The following PDCD1 variants were observed in gnomAD, a reference collection of about 807,000 sequenced individuals.
PDCD1 encodes programmed cell death protein 1.
A neutral mutation model predicts 23.6 loss-of-function variants in PDCD1; 10 were observed. The observed-to-expected ratio is 0.42, with a 90% CI of 0.26 to 0.72. The LOEUF (loss-of-function observed/expected upper bound fraction) is 0.72, where lower values mean the gene tolerates loss of function less well. PDCD1 is among the 30% of genes least tolerant of loss of function. The probability of loss-of-function intolerance (pLI) is 0.24; values close to 1 mark genes in which losing one functional copy is unlikely to be tolerated. For missense variants in PDCD1, 313 were observed against 397.8 expected (o/e 0.79, Z 1.81); for synonymous variants, 168 against 169.3 (o/e 0.99, Z 0.06).
At position 241,850,722 on chromosome 2, in the gene PDCD1, A is replaced by AGGC. The variant is rs942578893; in HGVS notation, c.*333_*335dup. On this transcript the variant is annotated 3_prime_UTR_variant, in exon 5 of 5. Coordinates refer to ENST00000334409, the MANE Select transcript of PDCD1 (RefSeq NM_005018.3). ...CACGGCGCCTTCAGCCCCGGGCCGC[A>AGGC]GGCAGCAGCAGCAGCAGCAGCAGCA... 1.3e-4 allele frequency: 78 copies of AGGC among 585,898 alleles called. No homozygotes were observed. The highest frequency in any genetic ancestry group is 5.8e-4 in the Admixed American group (26 of 44,528). 36.3% of individuals were successfully genotyped at this position (585,898 alleles called of 1,614,324 possible). A position where few individuals can be genotyped will look rare whatever the true frequency, so the allele number is the denominator to read the frequency against.
intron 2 of PDCD1, 93 bp from the exon 3 acceptor site, chr2:241,852,446 C>T: frequency 8.7e-7 from 1 of 1,144,278 alleles, no homozygotes. Context: ...GGGGTGCTTC[C>T]AGAGCTAGAG....
intron 1 of PDCD1, among the ~76,000 whole-genome samples, chr2:241,854,385 C>T (rs971006225): frequency 9.8e-5 from 15 of 152,346 alleles, no homozygotes; most frequent in East Asian, 1.9e-4. Context: ...CCTTGTCTGC[C>T]GGCCGGCCAG....
intron 1 of PDCD1, among the ~76,000 whole-genome samples, chr2:241,855,223 A>C (rs2124866280): frequency 6.6e-6 from 1 of 150,728 alleles, no homozygotes; most frequent in East Asian, 2.0e-4. Context: ...TGGGGGCTAG[A>C]CCTCGGTGTC....
At position 241,852,611 on chromosome 2, in the gene PDCD1, G is replaced by A. The variant is rs773116311; in HGVS notation, c.436+10C>T. 2.1e-5 allele frequency: 33 copies of A among 1,606,356 alleles called. No homozygotes were observed. The South Asian group carries it at 2.9e-4, about 14-fold the overall frequency. ...AGCTCACCCCTGCCCCGGGGCCTCCGAGGCCGCACCTGTCACCCTGAGCTC... is the reference window on the plus strand; with the variant it reads ...AGCTCACCCCTGCCCCGGGGCCTCCAAGGCCGCACCTGTCACCCTGAGCTC... On this transcript the variant is annotated intron_variant, in intron 2 of 4. Coordinates refer to ENST00000334409, the MANE Select transcript of PDCD1 (RefSeq NM_005018.3).
At position 241,852,675 on chromosome 2, in the gene PDCD1, G is replaced by A; in HGVS notation, c.382C>T (p.Leu128=). 9 of 1,613,412 alleles carry A rather than the reference G, an allele frequency of 5.6e-6. No individual in the cohort carries two copies. The highest frequency in any genetic ancestry group is 6.8e-6 in the Non-Finnish European group (8 of 1,179,874). ...SGTYLCGAIS[L]APKAQIKESL... ...TCTTTGATCTGCGCCTTGGGGGCCA[G>A]GGAGATGGCCCCACAGAGGTAGGTG... Residue 128 remains leucine (L), a synonymous_variant, in exon 2 of 5, where the codon CTG becomes TTG. Transcript: ENST00000334409.
chr2:241,851,888 C>T, intron 4 of PDCD1, 61 bp downstream of exon 4: 3 of 1,528,418 alleles, frequency 2.0e-6, no homozygotes, highest in Non-Finnish European at 2.7e-6. Flanking sequence ...CCTGTCCTTC[C>T]ACCTCTGCCC....
intron 2 of PDCD1, 90 bp downstream of exon 2, chr2:241,852,531 G>T (rs41463645): frequency 3.4e-6 from 5 of 1,477,266 alleles, no homozygotes; most frequent in Non-Finnish European, 4.6e-6. Context: ...CCTGCCCTAC[G>T]ACCCTGGAGC....
chr2:241,854,804 A>AC (rs1700987315), intron 1 of PDCD1, among the ~76,000 whole-genome samples: 1 of 152,168 alleles, frequency 6.6e-6, no homozygotes, highest in Non-Finnish European at 1.5e-5. Context: ...CAGGTGAGGA[A>AC]CAGAAGTCAT....
chr2:241,854,495 T>C (rs1700972702), intron 1 of PDCD1, among the ~76,000 whole-genome samples: 1 of 152,050 alleles, frequency 6.6e-6, no homozygotes, highest in Non-Finnish European at 1.5e-5. Flanking sequence ...GTAGTGTGAC[T>C]CTCAGGGCCA....
At chr2:241,853,626 C>T (rs544787325) in intron 1 of PDCD1, among the ~76,000 whole-genome samples, 7 of 152,382 alleles carry the variant, frequency 4.6e-5, no homozygotes, top group Admixed American at 2.0e-4. Flanking sequence ...TGGACAGACA[C>T]GGGGCCCCCG....
rs1700880252 is a variant in PDCD1 at position 241,850,677 on chromosome 2, T to C, written c.*381A>G. 3 of 506,224 alleles carry C rather than the reference T, an allele frequency of 5.9e-6. No individual in the cohort carries two copies. The highest frequency in any genetic ancestry group is 1.1e-5 in the Non-Finnish European group (3 of 272,602). The allele number at this position is 506,224 out of a possible 1,614,324, so 31.4% of individuals were successfully genotyped here. The stretch of plus-strand genomic sequence containing the variant: ...CAGCCCCCAAGTTCAGGCAGGAGGC[T>C]CCGGGGCGTCAGGCAGGGCCACGGC... On this transcript the variant is annotated 3_prime_UTR_variant, in exon 5 of 5. Coordinates refer to ENST00000334409, the MANE Select transcript of PDCD1 (RefSeq NM_005018.3).
intron 1 of PDCD1, among the ~76,000 whole-genome samples, chr2:241,855,552 T>C (rs1163088713): frequency 6.6e-6 from 1 of 152,128 alleles, no homozygotes; most frequent in Non-Finnish European, 1.5e-5. Flanking sequence ...CTGTGCCCTA[T>C]GCAGGGTCAG....
In PDCD1 at chr2:241,850,836, C is replaced by T. The variant is rs376023455; in HGVS notation, c.*222G>A. On this transcript the variant is annotated 3_prime_UTR_variant, in exon 5 of 5. Transcript: ENST00000334409. ...TGCATCTGGCCCTCCCTGTAGGGGACGGTGACACCTGCTGCCTGGGCTCAC... is the reference window on the plus strand; with the variant it reads ...TGCATCTGGCCCTCCCTGTAGGGGATGGTGACACCTGCTGCCTGGGCTCAC... 3.0e-5 allele frequency: 19 copies of T among 624,956 alleles called. No homozygotes were observed. The highest frequency in any genetic ancestry group is 1.1e-4 in the African/African-American group (6 of 54,610). 38.7% of individuals were successfully genotyped at this position (624,956 alleles called of 1,614,324 possible). A position where few individuals can be genotyped will look rare whatever the true frequency, so the allele number is the denominator to read the frequency against.
chr2:241,853,526 G>A (rs1700952861), intron 1 of PDCD1, among the ~76,000 whole-genome samples: 2 of 152,276 alleles, frequency 1.3e-5, no homozygotes, highest in Non-Finnish European at 2.9e-5. Context: ...GCAGTGGGCA[G>A]TGGGGCCTCC....
chr2:241,853,956 C>T (rs1000853745), intron 1 of PDCD1, among the ~76,000 whole-genome samples: 1 of 152,258 alleles, frequency 6.6e-6, no homozygotes, highest in African/African-American at 2.4e-5. Flanking sequence ...GTTGCCACAG[C>T]TGCGGTCCCT....
At chr2:241,853,713 C>T (rs746404204) in intron 1 of PDCD1, among the ~76,000 whole-genome samples, 1 of 152,264 alleles carries the variant, frequency 6.6e-6, no homozygotes, top group Admixed American at 6.5e-5. Context: ...CGCATGGCAA[C>T]GTGGGGGTCG....
In PDCD1 at chr2:241,852,531, G is replaced by A. The variant is rs41463645; in HGVS notation, c.436+90C>T. 1.3e-3 allele frequency: 1,992 copies of A among 1,477,260 alleles called. 22 individuals are homozygous for A. In the African/African-American group the frequency reaches 0.024, roughly 18 times the overall value. 91.5% of individuals were successfully genotyped at this position (1,477,260 alleles called of 1,614,324 possible). A position where few individuals can be genotyped will look rare whatever the true frequency, so the allele number is the denominator to read the frequency against. ...TGGAGCTGGGGGGTCCCTGCCCTAC[G>A]ACCCTGGAGCTCCTGATCCTGTGCA... On this transcript the variant is annotated intron_variant, in intron 2 of 4. Coordinates refer to ENST00000334409, the MANE Select transcript of PDCD1 (RefSeq NM_005018.3).
chr2:241,850,910 G>C lies in PDCD1; in HGVS notation c.*148C>G. On this transcript the variant is annotated 3_prime_UTR_variant, in exon 5 of 5. Transcript: ENST00000334409. ...TGTGGTGGGGCTGTGCCTGGTGCAG[G>C]TGCAGGCTGGAGCCCCGGTCGCCCC... 1.1e-6 allele frequency: 1 copy of C among 950,964 alleles called. No homozygotes were observed. The highest frequency in any genetic ancestry group is 1.5e-6 in the Non-Finnish European group (1 of 646,710). The allele number at this position is 950,964 out of a possible 1,614,324, so 58.9% of individuals were successfully genotyped here.
intron 1 of PDCD1, among the ~76,000 whole-genome samples, chr2:241,853,992 G>A (rs1010074888): frequency 1.3e-5 from 2 of 152,222 alleles, no homozygotes; most frequent in Admixed American, 6.5e-5. Flanking sequence ...GGCGGCCTCC[G>A]TGGCAGGCGG....
Sources: allele counts gnomAD v4.1 joint callset (sites outside exome capture counted in the v4.1 genomes callset), GRCh38; gene constraint gnomAD v4.1.1; transcripts MANE v1.5; gene names NCBI Gene and HGNC (gene_info 2026-07-23, HGNC 2026-07-21).